Variants in NAV2 observed in about 807,000 individuals in gnomAD.
The protein encoded by NAV2 is neuron navigator 2, also known as helicase, APC down-regulated 1.
NAV2 carries 54 observed loss-of-function variants against 223.2 expected under a neutral mutation model. That is an observed-to-expected ratio of 0.24 (90% CI 0.19 to 0.30). The LOEUF is 0.30. NAV2 is among the 10% of genes least tolerant of loss of function. The probability of loss-of-function intolerance (pLI) is 1.00; values close to 1 mark genes in which losing one functional copy is unlikely to be tolerated. For synonymous variants in NAV2, 1,279 were observed against 1,239.3 expected (o/e 1.03, Z -0.67); for missense variants, 2,806 against 3,147.5 (o/e 0.89, Z 2.60).
At chr11:19,864,526 A>G (rs1024522217) in intron 3 of NAV2, among the ~76,000 whole-genome samples, 2 of 152,082 alleles carry the variant, frequency 1.3e-5, no homozygotes, top group African/African-American at 4.8e-5. Context: ...TTTGCTTCCT[A>G]TCTCCTGATT....
chr11:19,884,222 A>C, intron 5 of NAV2: 1 of 1,134,064 alleles, frequency 8.8e-7, no homozygotes, highest in Non-Finnish European at 1.3e-6. Flanking sequence ...GAAGACTCTT[A>C]GGATTTGTGT....
intron 1 of NAV2, among the ~76,000 whole-genome samples, chr11:19,652,767 C>CT (rs35177501): frequency 5.4e-4 from 82 of 152,314 alleles, no homozygotes; most frequent in Non-Finnish European, 1.0e-3. Context: ...GACTACCAAG[C>CT]TTTTTTAGCA....
At chr11:20,068,149 C>A in intron 20 of NAV2, 37 bp from the exon 21 acceptor site, 1 of 1,606,172 alleles carries the variant, frequency 6.2e-7, no homozygotes, top group Non-Finnish European at 8.5e-7. Flanking sequence ...TTCTTTGTTC[C>A]TTAACTGGTC....
intron 1 of NAV2, among the ~76,000 whole-genome samples, chr11:19,574,354 A>G (rs1485134322): frequency 6.6e-6 from 1 of 152,200 alleles, no homozygotes; most frequent in Non-Finnish European, 1.5e-5. Context: ...TCATTCAGTA[A>G]CCACAGGCCT....
intron 1 of NAV2, among the ~76,000 whole-genome samples, chr11:19,433,334 T>C (rs1010633458): frequency 6.6e-6 from 1 of 152,148 alleles, no homozygotes; most frequent in African/African-American, 2.4e-5. Context: ...CAGAACAGGA[T>C]GCTCTACCTG....
At chr11:19,868,837 C>A in intron 3 of NAV2, 88 bp from the exon 4 acceptor site, 1 of 1,341,982 alleles carries the variant, frequency 7.5e-7, no homozygotes, top group Non-Finnish European at 1.0e-6. Context: ...GTTTTTACAG[C>A]ATTCTGTTTT....
At chr11:19,736,837 C>T (rs1017879004) in intron 1 of NAV2, among the ~76,000 whole-genome samples, 1 of 152,180 alleles carries the variant, frequency 6.6e-6, no homozygotes. Flanking sequence ...GTGGGGTCTT[C>T]CTTTAGAGTT....
intron 6 of NAV2, among the ~76,000 whole-genome samples, chr11:19,914,605 C>T (rs1159541505): frequency 2.0e-5 from 3 of 150,480 alleles, no homozygotes; most frequent in Non-Finnish European, 2.9e-5. Context: ...ACTGCAGTGG[C>T]GCAATCTCGG....
At chr11:19,561,153 A>G (rs2045082542) in intron 1 of NAV2, among the ~76,000 whole-genome samples, 1 of 152,214 alleles carries the variant, frequency 6.6e-6, no homozygotes, top group African/African-American at 2.4e-5. Context: ...AGAAAGAGGC[A>G]TTTCTGATAG....
At chr11:20,090,795 T>C in intron 26 of NAV2, 70 bp from the exon 27 acceptor site, 1 of 1,508,952 alleles carries the variant, frequency 6.6e-7, no homozygotes, top group Non-Finnish European at 9.0e-7. Flanking sequence ...ACCTGATGAT[T>C]GATGTGGACC....
chr11:20,022,402 T>C (rs569963478), intron 11 of NAV2, among the ~76,000 whole-genome samples: 23 of 152,314 alleles, frequency 1.5e-4, no homozygotes, highest in African/African-American at 5.5e-4. Context: ...TGAGATTCTT[T>C]TTCTTTTGAA....
intron 8 of NAV2, among the ~76,000 whole-genome samples, chr11:19,945,419 G>T (rs1432518950): frequency 1.3e-5 from 2 of 151,090 alleles, no homozygotes; most frequent in African/African-American, 4.9e-5. Flanking sequence ...CTGTTACCCA[G>T]GCTGGATTGC....
At position 19,626,502 on chromosome 11, in the gene NAV2, G is replaced by A. The variant is rs117368599; in HGVS notation, c.76-205982G>A. On this transcript the variant is annotated intron_variant, in intron 1 of 37. Coordinates refer to the NAV2 transcript ENST00000360655. ...GTTCTTTTTGTTCAGGATTACTTTG[G>A]TTATTTGGGGTCTTTTGTGGTTCCA... Among the ~76,000 whole-genome samples the A allele has an allele frequency of 3.4e-3, 514 of 152,214 alleles. 4 individuals carry two copies. The highest frequency in any genetic ancestry group is 0.02 in the East Asian group (106 of 5,178).
intron 3 of NAV2, among the ~76,000 whole-genome samples, chr11:19,843,275 G>A (rs565651555): frequency 6.6e-6 from 1 of 152,302 alleles, no homozygotes; most frequent in South Asian, 2.1e-4. Flanking sequence ...GTTTGTGTAT[G>A]GAGCTGAGGC....
intron 1 of NAV2, among the ~76,000 whole-genome samples, chr11:19,548,644 G>A (rs897076433): frequency 4.0e-5 from 6 of 151,624 alleles, no homozygotes; most frequent in Admixed American, 1.3e-4. Context: ...CGAGGTGGGC[G>A]GATCATGAGG....
intron 1 of NAV2, among the ~76,000 whole-genome samples, chr11:19,640,852 G>A (rs2047643727): frequency 6.6e-6 from 1 of 152,220 alleles, no homozygotes; most frequent in Admixed American, 6.5e-5. Context: ...AAGGGACATT[G>A]TGGCACTGAT....
In NAV2 at chr11:19,674,376, C is replaced by A. The variant is rs73424393; in HGVS notation, c.76-158108C>A. ...GGGTGCCAGCCTTTGGGCCAGAGGG[C>A]CACTCTTGACAGGCAGGAATGACTG... On this transcript the variant is annotated intron_variant, in intron 1 of 37. Transcript: ENST00000360655. Among the ~76,000 whole-genome samples, 387 of 152,354 alleles carry A rather than the reference C, an allele frequency of 2.5e-3. 1 individual carries two copies. Among genetic ancestry groups the A allele is most frequent in the African/African-American group, 8.8e-3 (367 of 41,576 alleles).
At chr11:19,552,330 G>A (rs2044715153) in intron 1 of NAV2, among the ~76,000 whole-genome samples, 1 of 152,182 alleles carries the variant, frequency 6.6e-6, no homozygotes, top group South Asian at 2.1e-4. Context: ...GGAATTCACA[G>A]TTTACAGTCA....
intron 1 of NAV2, chr11:19,506,847 T>A (rs1005994989): frequency 6.6e-6 from 1 of 152,174 alleles, no homozygotes; most frequent in Non-Finnish European, 1.5e-5. Context: ...AGGGGCTCAC[T>A]GATAAATGGA....
Sources: allele counts gnomAD v4.1 joint callset (sites outside exome capture counted in the v4.1 genomes callset), GRCh38; gene constraint gnomAD v4.1.1; transcripts MANE v1.5; gene names NCBI Gene and HGNC (gene_info 2026-07-23, HGNC 2026-07-21).